NAALADL2: variants seen among roughly 807,000 people sequenced by gnomAD.
NAALADL2 encodes inactive N-acetylated-alpha-linked acidic dipeptidase-like protein 2.
NAALADL2 carries 76 observed loss-of-function variants against 87.2 expected under a neutral mutation model. The observed-to-expected ratio is 0.87, with a 90% CI of 0.72 to 1.05. NAALADL2 has a LOEUF of 1.05. NAALADL2 is among the 50% of genes least tolerant of loss of function. The pLI, the probability that NAALADL2 is intolerant of heterozygous loss-of-function variation, is 0.00. For missense variants in NAALADL2, 1,089 were observed against 945.8 expected, an observed-to-expected ratio of 1.15 and a Z score of -1.99; for synonymous variants, 354 against 331.0, an observed-to-expected ratio of 1.07 and a Z score of -0.75.
At chr3:174,660,615 C>A (rs1399957247) in intron 2 of NAALADL2, among the ~76,000 whole-genome samples, 3 of 152,062 alleles carry the variant, frequency 2.0e-5, no homozygotes, top group African/African-American at 7.2e-5. Context: ...ATGTTGTGTA[C>A]AATTTTGAAA....
intron 3 of NAALADL2, among the ~76,000 whole-genome samples, chr3:174,738,166 A>G (rs1187021922): frequency 2.0e-5 from 3 of 152,194 alleles, no homozygotes; most frequent in Non-Finnish European, 4.4e-5. Flanking sequence ...TAACTTCTTT[A>G]TTCCAAGTTC....
chr3:175,190,148 A>AATAT (rs57688984), intron 2 of NAALADL2, among the ~76,000 whole-genome samples: 614 of 149,188 alleles, frequency 4.1e-3, no homozygotes, highest in Middle Eastern at 6.8e-3. Flanking sequence ...TGGCCTTGGC[A>AATAT]ATATATATAT....
chr3:174,618,529 G>A (rs1720697980), intron 2 of NAALADL2, among the ~76,000 whole-genome samples: 1 of 151,712 alleles, frequency 6.6e-6, no homozygotes, highest in African/African-American at 2.4e-5. Flanking sequence ...CTGCCCTAGA[G>A]TACAGAAACT....
chr3:174,859,176 G>C, upstream of NAALADL2: 1 of 460,336 alleles, frequency 2.2e-6, no homozygotes, highest in Non-Finnish European at 3.9e-6. Context: ...GCAATGTTTT[G>C]TGAAGTACAC....
At chr3:174,659,018 T>A (rs1303075245) in intron 2 of NAALADL2, among the ~76,000 whole-genome samples, 2 of 152,220 alleles carry the variant, frequency 1.3e-5, no homozygotes, top group East Asian at 3.8e-4. Flanking sequence ...TTTCTAACTT[T>A]AGTGTATACA....
At chr3:174,930,276 T>A (rs1736668506) in intron 1 of NAALADL2, among the ~76,000 whole-genome samples, 1 of 152,126 alleles carries the variant, frequency 6.6e-6, no homozygotes, top group Non-Finnish European at 1.5e-5. Flanking sequence ...TTTATATATA[T>A]TATTCCCTGT....
intron 3 of NAALADL2, among the ~76,000 whole-genome samples, chr3:174,776,193 GCAATAAAACAGCC>G (rs561006073): frequency 4.1e-4 from 62 of 152,172 alleles, no homozygotes; most frequent in African/African-American, 1.5e-3. Flanking sequence ...CTTTTGGCAT[GCAATAAAACAGCC>G]CAATACCTCC....
At chr3:175,048,177 C>T (rs1469994493) in intron 1 of NAALADL2, among the ~76,000 whole-genome samples, 8 of 151,886 alleles carry the variant, frequency 5.3e-5, no homozygotes. Flanking sequence ...GGGTTTTTCC[C>T]CCTAAAATGG....
At chr3:175,256,691 G>A (rs375409693) in intron 4 of NAALADL2, 161 bp downstream of exon 4, 781 of 515,976 alleles carry the variant, frequency 1.5e-3, no homozygotes, top group Non-Finnish European at 2.1e-3. Flanking sequence ...CAGAAAGATG[G>A]CTTTTCCACA....
chr3:174,478,785 C>G (rs954890037), intron 1 of NAALADL2, among the ~76,000 whole-genome samples: 1 of 152,144 alleles, frequency 6.6e-6, no homozygotes, highest in Non-Finnish European at 1.5e-5. Flanking sequence ...GATCTTGGCT[C>G]ACTTCAATCT....
chr3:175,064,575 G>A lies in NAALADL2; in HGVS notation c.44-32215G>A, dbSNP rs185445264. The stretch of plus-strand genomic sequence containing the variant: ...TAGCCGTGGCCTTGAGTCAGGGACA[G>A]GGTCAACTTTCTGTGACTTATCAGG... On this transcript the variant is annotated intron_variant, in intron 1 of 13. Transcript: ENST00000454872. Among the ~76,000 whole-genome samples the A allele has an allele frequency of 7.2e-5, 11 of 152,274 alleles. No homozygotes were observed. In the East Asian group the frequency reaches 2.1e-3, roughly 30 times the overall value.
At chr3:175,205,047 C>T (rs909708712) in intron 2 of NAALADL2, among the ~76,000 whole-genome samples, 5 of 151,954 alleles carry the variant, frequency 3.3e-5, no homozygotes, top group African/African-American at 1.2e-4. Flanking sequence ...TCTACAAATT[C>T]AATATAATTC....
At chr3:175,374,574 A>AG (rs1209391556) in intron 5 of NAALADL2, among the ~76,000 whole-genome samples, 2 of 135,726 alleles carry the variant, frequency 1.5e-5, no homozygotes, top group Non-Finnish European at 3.1e-5. Context: ...AAAAAAAAAA[A>AG]AAAAAAAAAA....
chr3:174,510,938 A>T (rs1578055352), intron 1 of NAALADL2, among the ~76,000 whole-genome samples: 2 of 151,914 alleles, frequency 1.3e-5, no homozygotes, highest in African/African-American at 4.8e-5. Context: ...AATTTCTATT[A>T]TAATTCTGTT....
intron 11 of NAALADL2, among the ~76,000 whole-genome samples, chr3:175,686,700 T>A (rs182304090): frequency 6.6e-6 from 1 of 152,192 alleles, no homozygotes. Flanking sequence ...AAGATTTATA[T>A]AACAAATGGT....
chr3:175,527,308 A>G (rs1474008430), intron 9 of NAALADL2, among the ~76,000 whole-genome samples: 1 of 152,228 alleles, frequency 6.6e-6, no homozygotes, highest in Non-Finnish European at 1.5e-5. Context: ...CATTGTAGCT[A>G]TAGACGGATA....
intron 5 of NAALADL2, among the ~76,000 whole-genome samples, chr3:175,400,831 TAGAA>T (rs1770470888): frequency 6.6e-6 from 1 of 152,136 alleles, no homozygotes; most frequent in Non-Finnish European, 1.5e-5. Context: ...GACAAAGCCT[TAGAA>T]TGTCTCCCAA....
At chr3:174,788,192 T>C (rs1056536411) in intron 3 of NAALADL2, among the ~76,000 whole-genome samples, 3 of 152,132 alleles carry the variant, frequency 2.0e-5, no homozygotes, top group Admixed American at 2.0e-4. Flanking sequence ...CAATGAGATA[T>C]TCCAAAAGTT....
Position 175,347,126 on chromosome 3 carries a change from C to G in NAALADL2, c.1090+22801C>G, listed in dbSNP as rs551898904. Among the ~76,000 whole-genome samples, 40 of 152,216 alleles carry G rather than the reference C, an allele frequency of 2.6e-4. No individual in the cohort carries two copies. The East Asian group carries it at 2.9e-3, about 11-fold the overall frequency. On this transcript the variant is annotated intron_variant, in intron 5 of 13. Coordinates refer to ENST00000454872, the MANE Select transcript of NAALADL2 (RefSeq NM_207015.3). ...GCTGCCTTCCAACACTAGCAGCACCCGGAACCGGCACACTGGTGACTCAGA... is the reference window on the plus strand; with the variant it reads ...GCTGCCTTCCAACACTAGCAGCACCGGGAACCGGCACACTGGTGACTCAGA...
Sources: gnomAD v4.1 joint callset for allele counts (sites outside exome capture counted in the v4.1 genomes callset) on GRCh38, gnomAD v4.1.1 for gene constraint, MANE v1.5 for transcripts, NCBI Gene and HGNC (gene_info 2026-07-23, HGNC 2026-07-21) for gene names.